The following THSD7B variants were observed in gnomAD, a reference collection of about 807,000 sequenced individuals.
THSD7B encodes thrombospondin type 1 domain containing 7B, also known as thrombospondin type-1 domain-containing protein 7B.
Under a neutral mutation model 213.6 loss-of-function variants are expected in THSD7B, and 138 were observed. That is an observed-to-expected ratio of 0.65 (90% confidence interval 0.56 to 0.74). The LOEUF (loss-of-function observed/expected upper bound fraction) is 0.74. Ranked by LOEUF, THSD7B falls within the 30% of genes least tolerant of loss-of-function variation. The probability of loss-of-function intolerance (pLI) is 0.00; values close to 1 mark genes in which losing one functional copy is unlikely to be tolerated. For missense variants in THSD7B, 1,931 were observed against 1,991.5 expected, an observed-to-expected ratio of 0.97 and a Z score of 0.58; for synonymous variants, 742 against 687.0, an observed-to-expected ratio of 1.08 and a Z score of -1.25.
intron 3 of THSD7B, among the ~76,000 whole-genome samples, chr2:137,088,990 A>G (rs1222951534): frequency 1.3e-5 from 2 of 152,186 alleles, no homozygotes; most frequent in Non-Finnish European, 1.5e-5. Context: ...TTGTGGATGC[A>G]GTGAACAAGG....
At chr2:136,859,198 T>C (rs1018939295) in intron 1 of THSD7B, among the ~76,000 whole-genome samples, 1 of 152,202 alleles carries the variant, frequency 6.6e-6, no homozygotes, top group African/African-American at 2.4e-5. Flanking sequence ...ACTATGAACA[T>C]CTTCACTATG....
At chr2:137,364,185 TC>T (rs1344342955) in intron 12 of THSD7B, among the ~76,000 whole-genome samples, 1 of 152,168 alleles carries the variant, frequency 6.6e-6, no homozygotes, top group Non-Finnish European at 1.5e-5. Context: ...TTGACAAAAT[TC>T]ATGCTAAAGC....
intron 10 of THSD7B, 138 bp from the exon 11 acceptor site, chr2:137,272,395 C>T (rs1682765674): frequency 4.0e-6 from 3 of 747,944 alleles, no homozygotes; most frequent in South Asian, 4.1e-5. Flanking sequence ...CTGGTCTTTG[C>T]TTGTTATTTT....
At chr2:137,100,600 T>C (rs770764455) in intron 4 of THSD7B, among the ~76,000 whole-genome samples, 26 of 152,002 alleles carry the variant, frequency 1.7e-4, no homozygotes, top group Non-Finnish European at 2.2e-4. Context: ...TTAGAAAGAG[T>C]AGCACCTAGA....
chr2:137,474,449 G>A (rs747686484), intron 15 of THSD7B, among the ~76,000 whole-genome samples: 18 of 152,040 alleles, frequency 1.2e-4, no homozygotes, highest in Non-Finnish European at 2.6e-4. Flanking sequence ...TCCCAATATG[G>A]AGACCACATA....
intron 12 of THSD7B, among the ~76,000 whole-genome samples, chr2:137,283,655 A>G (rs1421602441): frequency 6.6e-6 from 1 of 152,212 alleles, no homozygotes; most frequent in Non-Finnish European, 1.5e-5. Flanking sequence ...TGTTGAGATA[A>G]TCATGTGGTT....
intron 15 of THSD7B, among the ~76,000 whole-genome samples, chr2:137,489,776 T>G (rs2105120222): frequency 6.6e-6 from 1 of 152,326 alleles, no homozygotes; most frequent in East Asian, 1.9e-4. Flanking sequence ...TGGAATGTTT[T>G]TATATTTTGT....
At chr2:137,037,161 C>A (rs1198647534) in intron 2 of THSD7B, among the ~76,000 whole-genome samples, 1 of 152,026 alleles carries the variant, frequency 6.6e-6, no homozygotes, top group East Asian at 1.9e-4. Context: ...GAGATGATAT[C>A]TTAAATATCT....
At chr2:137,040,933 A>C (rs186441908) in intron 2 of THSD7B, among the ~76,000 whole-genome samples, 1 of 152,368 alleles carries the variant, frequency 6.6e-6, no homozygotes, top group Admixed American at 6.5e-5. Context: ...TGAGGTACTC[A>C]AACTAATTCT....
At chr2:137,524,731 G>A (rs934983113) in intron 15 of THSD7B, among the ~76,000 whole-genome samples, 1 of 152,106 alleles carries the variant, frequency 6.6e-6, no homozygotes, top group Non-Finnish European at 1.5e-5. Context: ...ATTCTTACAT[G>A]GGACAACCTT....
Position 137,094,918 on chromosome 2 carries a change from C to A in THSD7B, c.996C>A (p.Ile332=), listed in dbSNP as rs1330574023. Residue 332 remains isoleucine, a synonymous_variant, in exon 4 of 28, where the codon ATC becomes ATA. Transcript: ENST00000409968. ...TCCCATTGACTGTTCAGTCCTGCAT[C>A]ATGCCCAAAGACTGTGAAACCTCCC... ...DSFPLTVQSC[I]MPKDCETSQW... 2 of 1,613,690 alleles carry A rather than the reference C, an allele frequency of 1.2e-6. No homozygotes were observed. Among genetic ancestry groups the A allele is most frequent in the Non-Finnish European group, 1.7e-6 (2 of 1,179,840 alleles).
intron 10 of THSD7B, among the ~76,000 whole-genome samples, chr2:137,259,290 A>G (rs1190991507): frequency 6.6e-6 from 1 of 152,148 alleles, no homozygotes; most frequent in African/African-American, 2.4e-5. Context: ...GAACTACTTT[A>G]TACTCCCACC....
chr2:137,579,308 C>T (rs1360094473), intron 17 of THSD7B, among the ~76,000 whole-genome samples: 1 of 152,128 alleles, frequency 6.6e-6, no homozygotes, highest in African/African-American at 2.4e-5. Context: ...GCCTGATTGC[C>T]TTACACTGAG....
At chr2:137,185,413 C>G (rs1680532676) in intron 7 of THSD7B, among the ~76,000 whole-genome samples, 1 of 152,038 alleles carries the variant, frequency 6.6e-6, no homozygotes, top group South Asian at 2.1e-4. Context: ...CCCTTTTATA[C>G]TCTCCAGTAT....
At chr2:137,349,127 CTTTA>C (rs1364250254) in intron 12 of THSD7B, among the ~76,000 whole-genome samples, 1 of 151,536 alleles carries the variant, frequency 6.6e-6, no homozygotes, top group Non-Finnish European at 1.5e-5. Context: ...TGGCAAAACT[CTTTA>C]TTTGACTCTA....
intron 2 of THSD7B, among the ~76,000 whole-genome samples, chr2:136,982,838 A>G (rs1234984670): frequency 6.6e-6 from 1 of 152,200 alleles, no homozygotes; most frequent in African/African-American, 2.4e-5. Context: ...TAGAAATTTT[A>G]TAAACAGAAT....
chr2:136,800,194 C>G (rs909347290), intron 1 of THSD7B, among the ~76,000 whole-genome samples: 1 of 151,946 alleles, frequency 6.6e-6, no homozygotes, highest in African/African-American at 2.4e-5. Flanking sequence ...AGAGGATGTA[C>G]TTTAAATAGT....
chr2:136,953,551 C>A (rs1165282586), intron 2 of THSD7B, among the ~76,000 whole-genome samples: 1 of 152,138 alleles, frequency 6.6e-6, no homozygotes, highest in South Asian at 2.1e-4. Flanking sequence ...CCGATTATGC[C>A]ACTTATGTAC....
intron 14 of THSD7B, among the ~76,000 whole-genome samples, chr2:137,426,803 C>T (rs1026133940): frequency 5.9e-5 from 9 of 151,998 alleles, no homozygotes; most frequent in Non-Finnish European, 1.2e-4. Flanking sequence ...TAAGTGACCA[C>T]ATAAACTAAA....
Sources: allele counts gnomAD v4.1 joint callset (sites outside exome capture counted in the v4.1 genomes callset), GRCh38; gene constraint gnomAD v4.1.1; transcripts MANE v1.5; gene names NCBI Gene and HGNC (gene_info 2026-07-23, HGNC 2026-07-21).